SWT1: variants seen among roughly 807,000 people sequenced by gnomAD.
SWT1 encodes SWT1 RNA endoribonuclease homolog, also known as transcriptional protein SWT1.
SWT1 carries 33 observed loss-of-function variants against 107.3 expected under a neutral mutation model. The ratio of observed to expected loss-of-function variants is 0.31; its 90% confidence interval spans 0.23 to 0.41. The LOEUF (loss-of-function observed/expected upper bound fraction) is 0.41, where lower values mean the gene tolerates loss of function less well. Among genes scored for constraint, SWT1 ranks in the 10% least tolerant of loss-of-function variants. The pLI is 1.00. For missense variants in SWT1, 898 were observed against 1,028.9 expected, an observed-to-expected ratio of 0.87 and a Z score of 1.74; for synonymous variants, 345 against 348.3, an observed-to-expected ratio of 0.99 and a Z score of 0.11.
chr1:185,199,345 G>A (rs1412127188), intron 10 of SWT1, among the ~76,000 whole-genome samples: 8 of 152,142 alleles, frequency 5.3e-5, no homozygotes, highest in African/African-American at 9.7e-5. Context: ...TCATAGTGTC[G>A]ATGGTCTTTA....
chr1:185,184,849 A>G lies in SWT1; in HGVS notation c.1347A>G (p.Ala449=), dbSNP rs776685275. The G allele has an allele frequency of 3.2e-6, 5 of 1,565,410 alleles. No individual in the cohort carries two copies. In the Admixed American group the frequency reaches 8.2e-5, roughly 26 times the overall value. ...LKRAQHKAIP[A]VHFINDSLKN... is the part of the protein sequence containing the mutation. ...GTGCCCAGCACAAAGCTATACCTGC[A>G]GTTCATTTCATCAACGACAGTCTCA... The change falls in exon 9 of 19, where the codon GCA becomes GCG. Residue 449 remains alanine, a synonymous_variant. Coordinates refer to ENST00000367500, the MANE Select transcript of SWT1 (RefSeq NM_017673.7).
rs117134342 is a variant in SWT1, at chr1:185,193,501, T to C, written c.1523+2859T>C. On this transcript the variant is annotated intron_variant, in intron 10 of 18. Coordinates refer to ENST00000367500, the MANE Select transcript of SWT1 (RefSeq NM_017673.7). ...TTTTTTCCTGAGATGGAGTCTCACT[T>C]GGTCGCCCAGGCTGGAGTGAAGTGG... Among the ~76,000 whole-genome samples the C allele has an allele frequency of 5.8e-3, 877 of 151,680 alleles. 31 individuals are homozygous for C. The East Asian group carries it at 0.094, about 16-fold the overall frequency.
Position 185,286,487 on chromosome 1 carries a change from G to A in SWT1, c.2574-4187G>A, listed in dbSNP as rs187936686. On this transcript the variant is annotated intron_variant, in intron 18 of 18. Transcript: ENST00000367500. ...GATCTGCCCGCCTCAGCCTCCCAAA[G>A]TGCTGGGATTACAGGCATGAGCCAC... 5.1e-3 allele frequency among the ~76,000 whole-genome samples: 771 copies of A among 152,236 alleles called. 8 individuals are homozygous for A. Among genetic ancestry groups the A allele is most frequent in the African/African-American group, 0.018 (744 of 41,528 alleles).
intron 7 of SWT1, 102 bp from the exon 8 acceptor site, chr1:185,184,141 T>G (rs531945410): frequency 2.2e-4 from 131 of 602,210 alleles, no homozygotes; most frequent in African/African-American, 1.3e-3. Context: ...AAAGAGGCGT[T>G]TTAAATTTAA....
intron 16 of SWT1, among the ~76,000 whole-genome samples, chr1:185,269,115 G>A (rs1307399721): frequency 1.3e-5 from 2 of 152,156 alleles, no homozygotes; most frequent in Non-Finnish European, 2.9e-5. Context: ...GCCTCCCAAA[G>A]TGCTGGGATA....
intron 1 of SWT1, among the ~76,000 whole-genome samples, chr1:185,159,399 A>G (rs1653946214): frequency 6.6e-6 from 1 of 152,202 alleles, no homozygotes; most frequent in Non-Finnish European, 1.5e-5. Flanking sequence ...GATAGTCCAC[A>G]ATACTGTCAT....
chr1:185,268,904 G>C (rs1489996548), intron 16 of SWT1, among the ~76,000 whole-genome samples: 4 of 144,864 alleles, frequency 2.8e-5, no homozygotes, highest in Non-Finnish European at 6.0e-5. Context: ...CCAGGCTTGA[G>C]TGCAGTGGCG....
chr1:185,190,766 G>A (rs1008960417), intron 10 of SWT1, 124 bp downstream of exon 10: 3 of 570,030 alleles, frequency 5.3e-6, no homozygotes, highest in Non-Finnish European at 9.4e-6. Flanking sequence ...CTGCCAGTAA[G>A]CATACCCACT....
intron 14 of SWT1, among the ~76,000 whole-genome samples, chr1:185,217,776 A>G (rs973219962): frequency 6.6e-6 from 1 of 152,130 alleles, no homozygotes; most frequent in African/African-American, 2.4e-5. Flanking sequence ...TTGTATTTTT[A>G]GTAGAGACAG....
chr1:185,183,618 T>C (rs912000854), intron 7 of SWT1, among the ~76,000 whole-genome samples: 2 of 152,202 alleles, frequency 1.3e-5, no homozygotes, highest in African/African-American at 4.8e-5. Flanking sequence ...CTTTCAATTA[T>C]ATTCACTCAG....
At chr1:185,196,689 G>C (rs1657420502) in intron 10 of SWT1, among the ~76,000 whole-genome samples, 1 of 152,102 alleles carries the variant, frequency 6.6e-6, no homozygotes, top group South Asian at 2.1e-4. Flanking sequence ...TCTTCTTAAA[G>C]AGGTCCTTCG....
rs1224695221 is a variant in SWT1, at chr1:185,184,848, C to T, written c.1346C>T (p.Ala449Val). 2 of 1,564,118 alleles carry T rather than the reference C, an allele frequency of 1.3e-6. No individual in the cohort carries two copies. Among genetic ancestry groups the T allele is most frequent in the Admixed American group, 2.1e-5 (1 of 48,562 alleles). ...LKRAQHKAIP[A>V]VHFINDSLKN... ...CGTGCCCAGCACAAAGCTATACCTG[C>T]AGTTCATTTCATCAACGACAGTCTC... Residue 449 changes from alanine to valine, a missense_variant, in exon 9 of 19, where the codon GCA becomes GTA. Physicochemically the swap from Ala to Val is moderately conservative, Grantham distance 64. Coordinates refer to ENST00000367500, the MANE Select transcript of SWT1 (RefSeq NM_017673.7).
intron 5 of SWT1, among the ~76,000 whole-genome samples, chr1:185,178,997 G>T (rs975370395): frequency 1.3e-5 from 2 of 152,120 alleles, no homozygotes; most frequent in Non-Finnish European, 2.9e-5. Context: ...TTGTGTGGGC[G>T]CAGTGGCTCG....
chr1:185,160,976 T>G (rs1274385184), intron 2 of SWT1, 51 bp downstream of exon 2: 15 of 1,386,160 alleles, frequency 1.1e-5, no homozygotes, highest in Non-Finnish European at 1.5e-5. Flanking sequence ...TTATTTTTGC[T>G]TAATGAAAAA....
At position 185,190,696 on chromosome 1, in the gene SWT1, T is replaced by A. The variant is rs1046515945; in HGVS notation, c.1523+54T>A. The A allele has an allele frequency of 1.7e-5, 19 of 1,139,884 alleles. No homozygotes were observed. The African/African-American group carries it at 1.9e-4, about 11-fold the overall frequency. 70.6% of individuals were successfully genotyped at this position (1,139,884 alleles called of 1,614,324 possible). A position where few individuals can be genotyped will look rare whatever the true frequency, so the allele number is the denominator to read the frequency against. On this transcript the variant is annotated intron_variant, in intron 10 of 18. Transcript: ENST00000367500. ...TTTTTAAAAAATAAACCAAATAATT[T>A]AAAAAAATCATATGGTATCCAGCAT...
chr1:185,229,004 C>G (rs538724723), intron 15 of SWT1, among the ~76,000 whole-genome samples: 195 of 152,084 alleles, frequency 1.3e-3, no homozygotes, highest in African/African-American at 4.4e-3. Context: ...TGTGTAGGGC[C>G]TATAAGCCAT....
At chr1:185,281,802 G>A (rs1349454613) in intron 18 of SWT1, 2 of 153,040 alleles carry the variant, frequency 1.3e-5, no homozygotes, top group Non-Finnish European at 2.9e-5. Context: ...TGAAAGAAGA[G>A]AAAAAGGAGA....
chr1:185,192,080 A>G (rs542231768), intron 10 of SWT1, among the ~76,000 whole-genome samples: 2 of 152,348 alleles, frequency 1.3e-5, no homozygotes, highest in Non-Finnish European at 1.5e-5. Context: ...GATAATGTCA[A>G]TTGATAGTGA....
chr1:185,163,456 C>T (rs1006930436), intron 2 of SWT1, among the ~76,000 whole-genome samples: 7 of 146,650 alleles, frequency 4.8e-5, no homozygotes, highest in East Asian at 4.0e-4. Context: ...TACAGTGGTG[C>T]GATCTTGGCC....
Sources: allele counts gnomAD v4.1 joint callset (sites outside exome capture counted in the v4.1 genomes callset), GRCh38; gene constraint gnomAD v4.1.1; transcripts MANE v1.5; gene names NCBI Gene and HGNC (gene_info 2026-07-23, HGNC 2026-07-21).